Variants in HCN3 observed in about 807,000 individuals in gnomAD.
The protein encoded by HCN3 is hyperpolarization activated cyclic nucleotide gated potassium channel 3.
A neutral mutation model predicts 56.8 loss-of-function variants in HCN3; 36 were observed. That is an observed-to-expected ratio of 0.63 (90% CI 0.49 to 0.84). The LOEUF (loss-of-function observed/expected upper bound fraction) is 0.84. Among genes scored for constraint, HCN3 ranks in the 40% least tolerant of loss-of-function variants. HCN3 has a pLI of 0.00. For missense variants in HCN3, 930 were observed against 1,079.3 expected (o/e 0.86, Z 1.94); for synonymous variants, 425 against 439.7 (o/e 0.97, Z 0.42).
chr1:155,279,502 G>T (rs1251993028), intron 1 of HCN3, among the ~76,000 whole-genome samples: 1 of 152,200 alleles, frequency 6.6e-6, no homozygotes, highest in Non-Finnish European at 1.5e-5. Context: ...TGTGGAGGGG[G>T]AAGGGCATCC....
At position 155,285,870 on chromosome 1, in the gene HCN3, G is replaced by C. The variant is rs1674263969; in HGVS notation, c.1383G>C (p.Val461=). ...PGDLVVREGS[V]GRKMYFIQHG... The stretch of plus-strand genomic sequence containing the variant: ...ATCTCGTGGTGCGTGAGGGCTCCGT[G>C]GGGAGGAAGATGTACTTCATCCAGC... Residue 461 remains valine (V), a synonymous_variant, in exon 6 of 8, where the codon GTG becomes GTC. Coordinates refer to ENST00000368358, the MANE Select transcript of HCN3 (RefSeq NM_020897.3). This position sits in a 1 kb window ranked among gnomAD's most constrained non-coding sequence, Gnocchi z 4.5. The C allele has an allele frequency of 6.2e-7, 1 of 1,614,086 alleles. No homozygotes were observed. The highest frequency in any genetic ancestry group is 8.5e-7 in the Non-Finnish European group (1 of 1,180,024).
At chr1:155,280,677 A>T (rs574477649) in intron 1 of HCN3, among the ~76,000 whole-genome samples, 4 of 141,498 alleles carry the variant, frequency 2.8e-5, no homozygotes, top group Non-Finnish European at 4.5e-5. Flanking sequence ...TGACCTTGTG[A>T]TCTGCCCACC....
chr1:155,281,156 C>T (rs562790974), intron 1 of HCN3, among the ~76,000 whole-genome samples: 51 of 151,236 alleles, frequency 3.4e-4, no homozygotes, highest in Non-Finnish European at 6.9e-4. Context: ...CTGCAGCCTC[C>T]GCCTCCCGGG....
rs751502059 is a variant in HCN3, at chr1:155,285,334, AG to A, written c.1236+29del. Reference sequence around the variant, plus strand: ...GAGGTGGGGCTGGGTTGGGCCTGGAAGGGGGGCTCTTCAGGGACCTGGAGTG... The same window carrying A: ...GAGGTGGGGCTGGGTTGGGCCTGGAAGGGGGCTCTTCAGGGACCTGGAGTG... On this transcript the variant is annotated intron_variant, in intron 5 of 7. Coordinates refer to ENST00000368358, the MANE Select transcript of HCN3 (RefSeq NM_020897.3). This position sits in a 1 kb window ranked among gnomAD's most constrained non-coding sequence, Gnocchi z 4.5. 1.2e-6 allele frequency: 2 copies of A among 1,612,686 alleles called. No individual in the cohort carries two copies. The highest frequency in any genetic ancestry group is 1.7e-6 in the Non-Finnish European group (2 of 1,179,112).
chr1:155,288,740 C>G lies in HCN3; in HGVS notation c.*277C>G. 2.2e-6 allele frequency: 1 copy of G among 456,400 alleles called. No individual in the cohort carries two copies. The highest frequency in any genetic ancestry group is 4.7e-5 in the South Asian group (1 of 21,242). The allele number at this position is 456,400 out of a possible 1,614,324, so 28.3% of individuals were successfully genotyped here. On this transcript the variant is annotated 3_prime_UTR_variant, in exon 8 of 8. Coordinates refer to ENST00000368358, the MANE Select transcript of HCN3 (RefSeq NM_020897.3). This position sits in a 1 kb window ranked among gnomAD's most constrained non-coding sequence, Gnocchi z 6.5. Reference sequence around the variant, plus strand: ...GCCAGGCGCTGTATGTCTCCACTGCCAAGTAGAAGTGACTCAAAACCCTCT... The same window carrying G: ...GCCAGGCGCTGTATGTCTCCACTGCGAAGTAGAAGTGACTCAAAACCCTCT...
At chr1:155,277,980 G>A (rs1178554430) in intron 1 of HCN3, 112 bp downstream of exon 1, 2 of 1,326,726 alleles carry the variant, frequency 1.5e-6, no homozygotes, top group Non-Finnish European at 2.1e-6. Flanking sequence ...CCAGCCCGGG[G>A]TCCCTTGGTG....
At position 155,284,898 on chromosome 1, in the gene HCN3, G is replaced by T. The variant is rs1674214208; in HGVS notation, c.1089+141G>T. ...CTGTGTCCATTTGTTCCCTGCCCCTGCATGTACCTTTTCCTTGTTTGAACC... is the reference window on the plus strand; with the variant it reads ...CTGTGTCCATTTGTTCCCTGCCCCTTCATGTACCTTTTCCTTGTTTGAACC... On this transcript the variant is annotated intron_variant, in intron 4 of 7. Transcript: ENST00000368358. This position sits in a 1 kb window ranked among gnomAD's most constrained non-coding sequence, Gnocchi z 4.3. 6.8e-6 allele frequency: 6 copies of T among 877,706 alleles called. No individual in the cohort carries two copies. Among genetic ancestry groups the T allele is most frequent in the Non-Finnish European group, 6.9e-6 (4 of 576,254 alleles). The allele number at this position is 877,706 out of a possible 1,614,324, so 54.4% of individuals were successfully genotyped here. A position where few individuals can be genotyped will look rare whatever the true frequency, so the allele number is the denominator to read the frequency against.
rs919625510 is a variant in HCN3 at position 155,285,636 on chromosome 1, G to C, written c.1237-88G>C. On this transcript the variant is annotated intron_variant, in intron 5 of 7. Transcript: ENST00000368358. This position sits in a 1 kb window ranked among gnomAD's most constrained non-coding sequence, Gnocchi z 4.5. ...CATCCTTTGGCAGAACATGACCCCA[G>C]GGGTGGGGTTTCTGGAAGCGGATGA... 3.9e-6 allele frequency: 6 copies of C among 1,535,424 alleles called. No individual in the cohort carries two copies. The highest frequency in any genetic ancestry group is 3.6e-5 in the Admixed American group (2 of 56,316).
At position 155,288,320 on chromosome 1, in the gene HCN3, T is replaced by C. The variant is rs1674388047; in HGVS notation, c.2182T>C (p.Ser728Pro). ...GCCTCAGCGGGCAACAGGCGATGGCTCTCCTGGGCGTAAGGGATCAGGAAG... is the reference window on the plus strand; with the variant it reads ...GCCTCAGCGGGCAACAGGCGATGGCCCTCCTGGGCGTAAGGGATCAGGAAG... ...SLPQRATGDG[S>P]PGRKGSGSER... Residue 728 changes from serine to proline, a missense_variant, in exon 8 of 8, where the codon TCT becomes CCT. Transcript: ENST00000368358. The surrounding 1 kb of genome is among the most constrained non-coding windows in gnomAD (Gnocchi z 6.5). 6.2e-7 allele frequency: 1 copy of C among 1,613,400 alleles called. No individual in the cohort carries two copies. The highest frequency in any genetic ancestry group is 1.7e-5 in the Admixed American group (1 of 59,980).
Position 155,284,879 on chromosome 1 carries a change from C to A in HCN3, c.1089+122C>A. On this transcript the variant is annotated intron_variant, in intron 4 of 7. Coordinates refer to ENST00000368358, the MANE Select transcript of HCN3 (RefSeq NM_020897.3). The surrounding 1 kb of genome is among the most constrained non-coding windows in gnomAD (Gnocchi z 4.3). The stretch of plus-strand genomic sequence containing the variant: ...CTCTGTTTCCTTTCCTGCCCTGTGT[C>A]CATTTGTTCCCTGCCCCTGCATGTA... 1.1e-6 allele frequency: 1 copy of A among 941,826 alleles called. No individual in the cohort carries two copies. The allele number at this position is 941,826 out of a possible 1,614,324, so 58.3% of individuals were successfully genotyped here. A position where few individuals can be genotyped will look rare whatever the true frequency, so the allele number is the denominator to read the frequency against.
intron 1 of HCN3, among the ~76,000 whole-genome samples, chr1:155,280,304 G>A (rs1261793063): frequency 4.6e-5 from 7 of 151,100 alleles, no homozygotes; most frequent in Non-Finnish European, 8.8e-5. Flanking sequence ...TCTCACTCTC[G>A]CCCAGGCTAG....
rs909100336 is a variant in HCN3, at chr1:155,282,154, G to A, written c.279-257G>A. On this transcript the variant is annotated intron_variant, in intron 1 of 7. Transcript: ENST00000368358. The surrounding 1 kb of genome is among the most constrained non-coding windows in gnomAD (Gnocchi z 4.7). ...CATTCCTATGTGTATCTCCTGGAGC[G>A]CATATTTTCCTTGGATGTGTCTATA... Among the ~76,000 whole-genome samples, 7 of 152,116 alleles carry A rather than the reference G, an allele frequency of 4.6e-5. No individual in the cohort carries two copies. Among genetic ancestry groups the A allele is most frequent in the East Asian group, 1.9e-4 (1 of 5,202 alleles).
chr1:155,277,499 G>A lies in HCN3; in HGVS notation c.-92G>A, dbSNP rs1673851611. The A allele has an allele frequency of 1.4e-6, 2 of 1,415,868 alleles. No homozygotes were observed. Among genetic ancestry groups the A allele is most frequent in the Non-Finnish European group, 1.9e-6 (2 of 1,073,506 alleles). 87.7% of individuals were successfully genotyped at this position (1,415,868 alleles called of 1,614,324 possible). On this transcript the variant is annotated 5_prime_UTR_variant, in exon 1 of 8. Transcript: ENST00000368358. ...TACGACGCCTCCGCTAGAGCCCGCG[G>A]GGCTGCGCCGACTCCTGCTCTGGAG...
At position 155,285,885 on chromosome 1, in the gene HCN3, C is replaced by G; in HGVS notation, c.1398C>G (p.Tyr466Ter). Residue 466 changes from tyrosine (Y) to a stop codon, truncating the protein, a stop_gained, in exon 6 of 8, where the codon TAC (tyrosine) becomes TAG (stop). Transcript: ENST00000368358. LOFTEE classifies it high-confidence loss of function. This position sits in a 1 kb window ranked among gnomAD's most constrained non-coding sequence, Gnocchi z 4.5. ...VREGSVGRKM[Y>*]FIQHGLLSVL... The stretch of plus-strand genomic sequence containing the variant: ...AGGGCTCCGTGGGGAGGAAGATGTA[C>G]TTCATCCAGCATGGGCTGCTCAGTG... 2 of 1,614,174 alleles carry G rather than the reference C, an allele frequency of 1.2e-6. No individual in the cohort carries two copies. Among genetic ancestry groups the G allele is most frequent in the Non-Finnish European group, 1.7e-6 (2 of 1,180,004 alleles).
At position 155,282,268 on chromosome 1, in the gene HCN3, A is replaced by T; in HGVS notation, c.279-143A>T. ...ACTATTTTCCCAAATGGTGGTCCCAACTTATACTCCCAACAGCTGTAAACA... is the reference window on the plus strand; with the variant it reads ...ACTATTTTCCCAAATGGTGGTCCCATCTTATACTCCCAACAGCTGTAAACA... On this transcript the variant is annotated intron_variant, in intron 1 of 7. Coordinates refer to ENST00000368358, the MANE Select transcript of HCN3 (RefSeq NM_020897.3). This position sits in a 1 kb window ranked among gnomAD's most constrained non-coding sequence, Gnocchi z 4.7. 1 of 783,282 alleles carries T rather than the reference A, an allele frequency of 1.3e-6. No individual in the cohort carries two copies. The allele number at this position is 783,282 out of a possible 1,614,324, so 48.5% of individuals were successfully genotyped here. A position where few individuals can be genotyped will look rare whatever the true frequency, so the allele number is the denominator to read the frequency against.
chr1:155,288,381 C>G lies in HCN3; in HGVS notation c.2243C>G (p.Pro748Arg), dbSNP rs757620410. 1.5e-4 allele frequency: 243 copies of G among 1,613,708 alleles called. No homozygotes were observed. Among genetic ancestry groups the G allele is most frequent in the Non-Finnish European group, 1.9e-4 (230 of 1,179,994 alleles). The change falls in exon 8 of 8, where the codon CCT becomes CGT. Residue 748 changes from proline (P) to arginine (R), a missense_variant. Coordinates refer to ENST00000368358, the MANE Select transcript of HCN3 (RefSeq NM_020897.3). This position sits in a 1 kb window ranked among gnomAD's most constrained non-coding sequence, Gnocchi z 6.5. Reference sequence around the variant, plus strand: ...CCTCCCTCAGGGCTCCTGGCCAAACCTCCAAGGACAGCCCAGCCCCCCAGG... The same window carrying G: ...CCTCCCTCAGGGCTCCTGGCCAAACGTCCAAGGACAGCCCAGCCCCCCAGG... ...RLPPSGLLAK[P>R]PRTAQPPRPP...
rs1414342689 is a variant in HCN3, at chr1:155,285,834, C to A, written c.1347C>A (p.Phe449Leu). ...AVLTKLRFEV[F>L]QPGDLVVREG... ...TCACCAAGCTGCGCTTTGAGGTCTT[C>A]CAGCCGGGGGATCTCGTGGTGCGTG... is the stretch of plus-strand genomic sequence containing the variant. Residue 449 changes from phenylalanine to leucine, a missense_variant, in exon 6 of 8, where the codon TTC (phenylalanine) becomes TTA (leucine). Phe to Leu is a conservative substitution (Grantham distance 22, BLOSUM62 0). Transcript: ENST00000368358. The surrounding 1 kb of genome is among the most constrained non-coding windows in gnomAD (Gnocchi z 4.5). 3 of 1,614,234 alleles carry A rather than the reference C, an allele frequency of 1.9e-6. No homozygotes were observed. The highest frequency in any genetic ancestry group is 2.5e-6 in the Non-Finnish European group (3 of 1,180,038).
rs1372557499 is a variant in HCN3 at position 155,282,966 on chromosome 1, G to C, written c.708+126G>C. 1 of 978,792 alleles carries C rather than the reference G, an allele frequency of 1.0e-6. No individual in the cohort carries two copies. Among genetic ancestry groups the C allele is most frequent in the Admixed American group, 2.6e-5 (1 of 38,872 alleles). The allele number at this position is 978,792 out of a possible 1,614,324, so 60.6% of individuals were successfully genotyped here. A position where few individuals can be genotyped will look rare whatever the true frequency, so the allele number is the denominator to read the frequency against. On this transcript the variant is annotated intron_variant, in intron 2 of 7. Coordinates refer to ENST00000368358, the MANE Select transcript of HCN3 (RefSeq NM_020897.3). The surrounding 1 kb of genome is among the most constrained non-coding windows in gnomAD (Gnocchi z 4.7). ...GGCTCCTGGTGACCTTATAGTGTGG[G>C]GAAGATGGGTGGGGCTTCCGTGCGT...
Position 155,287,187 on chromosome 1 carries a change from A to G in HCN3, c.1492A>G (p.Thr498Ala). The G allele has an allele frequency of 6.2e-7, 1 of 1,613,368 alleles. No individual in the cohort carries two copies. The highest frequency in any genetic ancestry group is 8.5e-7 in the Non-Finnish European group (1 of 1,179,942). The change falls in exon 7 of 8, where the codon ACT becomes GCT. Residue 498 changes from threonine (T) to alanine (A), a missense_variant. Transcript: ENST00000368358. ...AATTTCTGCAGAGATCTGCCTGCTA[A>G]CTAGGGGCCGGCGCACAGCCAGTGT... is the stretch of plus-strand genomic sequence containing the variant. ...GSYFGEICLL[T>A]RGRRTASVRA... is the part of the protein sequence containing the mutation.
Sources: gnomAD v4.1 joint callset for allele counts (sites outside exome capture counted in the v4.1 genomes callset) on GRCh38, gnomAD v4.1.1 for gene constraint, Gnocchi (gnomAD v3.1) non-coding constraint, MANE v1.5 for transcripts, NCBI Gene and HGNC (gene_info 2026-07-23, HGNC 2026-07-21) for gene names.